ZRANB3: variants seen among roughly 807,000 people sequenced by gnomAD.
ZRANB3 encodes DNA annealing helicase and endonuclease ZRANB3.
ZRANB3 carries 125 observed loss-of-function variants against 133.8 expected under a neutral mutation model. The observed-to-expected ratio is 0.93, with a 90% CI of 0.81 to 1.08. The LOEUF (loss-of-function observed/expected upper bound fraction) is 1.08. Ranked by LOEUF, ZRANB3 falls within the 50% of genes least tolerant of loss-of-function variation. ZRANB3 has a pLI of 0.00. For synonymous variants in ZRANB3, 387 were observed against 432.7 expected (o/e 0.89, Z 1.31); for missense variants, 1,229 against 1,275.5 (o/e 0.96, Z 0.56).
intron 3 of ZRANB3, among the ~76,000 whole-genome samples, chr2:135,375,542 G>A (rs1412544970): frequency 7.2e-5 from 11 of 152,126 alleles, no homozygotes; most frequent in Admixed American, 2.0e-4. Context: ...AAAACTAGCC[G>A]GGCATGGTGG....
rs1458408067 is a variant in ZRANB3 at position 135,219,296 on chromosome 2, A to C, written c.2251-118T>G. 4 of 654,946 alleles carry C rather than the reference A, an allele frequency of 6.1e-6. No individual in the cohort carries two copies. The East Asian group carries it at 1.4e-4, about 22-fold the overall frequency. 40.6% of individuals were successfully genotyped at this position (654,946 alleles called of 1,614,324 possible). A position where few individuals can be genotyped will look rare whatever the true frequency, so the allele number is the denominator to read the frequency against. ...GCCTAGTCTCCTAAAAGAAAAACTG[A>C]GGTGACACATTCTAGACAAGGGTCC... On this transcript the variant is annotated intron_variant, in intron 15 of 20. Transcript: ENST00000264159.
intron 19 of ZRANB3, among the ~76,000 whole-genome samples, chr2:135,203,619 A>AC (rs1461413379): frequency 1.3e-5 from 2 of 151,616 alleles, no homozygotes; most frequent in East Asian, 3.9e-4. Context: ...TCTCAAAAAA[A>AC]AAAAAAAAAA....
In ZRANB3 at chr2:135,411,821, T is replaced by C. The variant is rs116786096; in HGVS notation, c.162-21001A>G. The stretch of plus-strand genomic sequence containing the variant: ...GAAAAACTATTGAGTATGTTCACTA[T>C]TTGGGTGATGGGTTCACCAGAAGCC... On this transcript the variant is annotated intron_variant, in intron 2 of 20. Coordinates refer to ENST00000264159, the MANE Select transcript of ZRANB3 (RefSeq NM_032143.4). Among the ~76,000 whole-genome samples the C allele has an allele frequency of 2.7e-3, 410 of 152,254 alleles. 1 individual carries two copies. The highest frequency in any genetic ancestry group is 8.7e-3 in the African/African-American group (362 of 41,536).
chr2:135,227,813 A>C lies in ZRANB3; in HGVS notation c.2157T>G (p.Asn719Lys). Residue 719 changes from asparagine (N) to lysine (K), a missense_variant and splice_region_variant, in exon 14 of 21, where the codon AAT (asparagine) becomes AAG (lysine). Physicochemically the swap from Asn to Lys is moderately conservative, Grantham distance 94. Transcript: ENST00000264159. ...KEDGLTSQPGNEQWKSSDTLP... is the reference protein window; with the variant it reads ...KEDGLTSQPGKEQWKSSDTLP... ...GCTAGAAATGGAAACAAGACTTACC[A>C]TTACCTGGCTGGGATGTAAGTCCGT... The C allele has an allele frequency of 1.9e-6, 3 of 1,568,652 alleles. No individual in the cohort carries two copies. The highest frequency in any genetic ancestry group is 2.6e-6 in the Non-Finnish European group (3 of 1,154,814).
intron 13 of ZRANB3, chr2:135,228,260 A>T (rs549872953): frequency 6.1e-6 from 2 of 327,234 alleles, no homozygotes; most frequent in Non-Finnish European, 1.1e-5. Flanking sequence ...CAATAAAATT[A>T]ACAAATAGGT....
intron 2 of ZRANB3, among the ~76,000 whole-genome samples, chr2:135,461,110 T>C (rs2105016066): frequency 6.6e-6 from 1 of 152,300 alleles, no homozygotes. Flanking sequence ...AAATGACCAC[T>C]GAAGCTGATA....
chr2:135,404,832 A>T (rs1002551531), intron 2 of ZRANB3, among the ~76,000 whole-genome samples: 1 of 152,194 alleles, frequency 6.6e-6, no homozygotes, highest in Admixed American at 6.5e-5. Flanking sequence ...TCAACCCAGA[A>T]TTTCATATCC....
At chr2:135,418,581 T>G (rs939537285) in intron 2 of ZRANB3, among the ~76,000 whole-genome samples, 1 of 152,196 alleles carries the variant, frequency 6.6e-6, no homozygotes, top group African/African-American at 2.4e-5. Flanking sequence ...CTGGAGCATA[T>G]GCTAAGAGCC....
At chr2:135,317,099 ATTTAC>A (rs942600108) in intron 6 of ZRANB3, among the ~76,000 whole-genome samples, 1 of 151,730 alleles carries the variant, frequency 6.6e-6, no homozygotes, top group African/African-American at 2.4e-5. Flanking sequence ...TCAATAAGAA[ATTTAC>A]TTGTTTAAAA....
intron 6 of ZRANB3, among the ~76,000 whole-genome samples, chr2:135,331,376 G>A (rs773220567): frequency 2.0e-5 from 3 of 152,196 alleles, no homozygotes; most frequent in Non-Finnish European, 4.4e-5. Context: ...GCAGTTTTGA[G>A]TGAGTTTCTT....
At chr2:135,432,776 A>C (rs1341177080) in intron 2 of ZRANB3, among the ~76,000 whole-genome samples, 1 of 152,206 alleles carries the variant, frequency 6.6e-6, no homozygotes, top group Non-Finnish European at 1.5e-5. Flanking sequence ...AAGGAACAAC[A>C]ACAACAAAAA....
intron 2 of ZRANB3, among the ~76,000 whole-genome samples, chr2:135,472,260 G>A (rs2104781513): frequency 6.6e-6 from 1 of 152,128 alleles, no homozygotes; most frequent in South Asian, 2.1e-4. Flanking sequence ...CAGCACTTTG[G>A]GAGGCCGAGG....
chr2:135,239,613 A>C (rs1695462598), intron 12 of ZRANB3, among the ~76,000 whole-genome samples: 1 of 152,214 alleles, frequency 6.6e-6, no homozygotes, highest in Non-Finnish European at 1.5e-5. Context: ...TTAGTTGTGA[A>C]ATATACAGAA....
chr2:135,207,929 G>T, intron 18 of ZRANB3, 93 bp from the exon 19 acceptor site: 2 of 1,214,742 alleles, frequency 1.6e-6, no homozygotes, highest in Non-Finnish European at 2.2e-6. Flanking sequence ...TTTCAATACG[G>T]ATAAATAGTA....
chr2:135,470,257 G>A (rs1396757378), intron 2 of ZRANB3, among the ~76,000 whole-genome samples: 1 of 151,530 alleles, frequency 6.6e-6, no homozygotes, highest in Non-Finnish European at 1.5e-5. Flanking sequence ...CCCAGGAGAC[G>A]AAGCTGCAGT....
chr2:135,293,259 C>T (rs1435300164), intron 8 of ZRANB3, among the ~76,000 whole-genome samples: 1 of 152,064 alleles, frequency 6.6e-6, no homozygotes, highest in Non-Finnish European at 1.5e-5. Flanking sequence ...TTTGTATCCT[C>T]TTTTATTTCA....
chr2:135,394,815 C>G (rs1215155317), intron 2 of ZRANB3, among the ~76,000 whole-genome samples: 1 of 151,772 alleles, frequency 6.6e-6, no homozygotes, highest in Admixed American at 6.6e-5. Flanking sequence ...GAAGGAATGT[C>G]TAGTTATGTA....
intron 8 of ZRANB3, among the ~76,000 whole-genome samples, chr2:135,293,302 G>A (rs1306942561): frequency 6.6e-6 from 1 of 151,824 alleles, no homozygotes; most frequent in African/African-American, 2.4e-5. Context: ...CCTTGAAGAG[G>A]TCCTTCACTT....
At chr2:135,274,620 T>A (rs1680694478) in intron 9 of ZRANB3, among the ~76,000 whole-genome samples, 2 of 152,052 alleles carry the variant, frequency 1.3e-5, no homozygotes, top group South Asian at 2.1e-4. Flanking sequence ...TTAATTTATT[T>A]TTTATTTATT....
Sources: allele counts gnomAD v4.1 joint callset (sites outside exome capture counted in the v4.1 genomes callset), GRCh38; gene constraint gnomAD v4.1.1; transcripts MANE v1.5; gene names NCBI Gene and HGNC (gene_info 2026-07-23, HGNC 2026-07-21).